STRBP: variants seen among roughly 807,000 people sequenced by gnomAD.
STRBP encodes the protein spermatid perinuclear RNA-binding protein.
STRBP carries 13 observed loss-of-function variants against 80.1 expected under a neutral mutation model. That is an observed-to-expected ratio of 0.16 (90% CI 0.11 to 0.26). The LOEUF is 0.26. Ranked by LOEUF, STRBP falls within the 10% of genes least tolerant of loss-of-function variation. STRBP has a pLI of 1.00. For synonymous variants in STRBP, 284 were observed against 291.2 expected, an observed-to-expected ratio of 0.98 and a Z score of 0.25; for missense variants, 485 against 815.2, an observed-to-expected ratio of 0.59 and a Z score of 4.93.
At chr9:123,140,888 C>T (rs2036565650) in intron 13 of STRBP, among the ~76,000 whole-genome samples, 2 of 152,210 alleles carry the variant, frequency 1.3e-5, no homozygotes, top group African/African-American at 4.8e-5. Context: ...TTAATACCTT[C>T]CTGATTATAC....
At chr9:123,203,017 C>G (rs1020587142) in intron 2 of STRBP, among the ~76,000 whole-genome samples, 1 of 152,124 alleles carries the variant, frequency 6.6e-6, no homozygotes, top group African/African-American at 2.4e-5. Context: ...AAACCCTTCC[C>G]CAGAGTTTAT....
chr9:123,201,446 T>C (rs1484360950), intron 2 of STRBP, among the ~76,000 whole-genome samples: 1 of 152,228 alleles, frequency 6.6e-6, no homozygotes, highest in African/African-American at 2.4e-5. Context: ...AAAATTTCCA[T>C]CTTGGTTTCA....
At chr9:123,229,466 T>C (rs139899327) in intron 2 of STRBP, among the ~76,000 whole-genome samples, 13 of 152,316 alleles carry the variant, frequency 8.5e-5, no homozygotes, top group East Asian at 1.9e-4. Context: ...TAGCTGGCAA[T>C]CAAAGTGGGA....
intron 2 of STRBP, among the ~76,000 whole-genome samples, chr9:123,192,489 C>T (rs1477474787): frequency 1.3e-5 from 2 of 152,042 alleles, no homozygotes; most frequent in Admixed American, 6.6e-5. Flanking sequence ...GCCTATAGTC[C>T]GTCGGGAGGC....
intron 2 of STRBP, among the ~76,000 whole-genome samples, chr9:123,191,431 AG>A (rs994720222): frequency 6.6e-6 from 1 of 151,906 alleles, no homozygotes; most frequent in African/African-American, 2.4e-5. Flanking sequence ...GAGGACAGAA[AG>A]GTGGGGGTGA....
chr9:123,123,868 A>G lies in STRBP; in HGVS notation c.*1729T>C. Reference sequence around the variant, plus strand: ...CTCTGTTTCATCCATAGGTCAGCAAAACGCATCAATGAAACATGAAAACTC... The same window carrying G: ...CTCTGTTTCATCCATAGGTCAGCAAGACGCATCAATGAAACATGAAAACTC... On this transcript the variant is annotated 3_prime_UTR_variant, in exon 19 of 19. Coordinates refer to ENST00000348403, the MANE Select transcript of STRBP (RefSeq NM_018387.5). 1 of 985,426 alleles carries G rather than the reference A, an allele frequency of 1.0e-6. No individual in the cohort carries two copies. 61.0% of individuals were successfully genotyped at this position (985,426 alleles called of 1,614,324 possible). A position where few individuals can be genotyped will look rare whatever the true frequency, so the allele number is the denominator to read the frequency against.
At chr9:123,244,846 C>T (rs2040767236) in intron 1 of STRBP, among the ~76,000 whole-genome samples, 1 of 152,182 alleles carries the variant, frequency 6.6e-6, no homozygotes, top group African/African-American at 2.4e-5. Context: ...TTCAAAAGCC[C>T]ATCCACAAAT....
At chr9:123,159,304 A>G in intron 8 of STRBP, 97 bp from the exon 9 acceptor site, 2 of 743,660 alleles carry the variant, frequency 2.7e-6, no homozygotes, top group Non-Finnish European at 4.2e-6. Flanking sequence ...GGGAGGCCAA[A>G]GAGTGAAATT....
intron 11 of STRBP, among the ~76,000 whole-genome samples, chr9:123,154,606 A>G (rs1327699881): frequency 1.3e-5 from 2 of 152,170 alleles, no homozygotes; most frequent in Non-Finnish European, 2.9e-5. Context: ...ACTTTTCTAT[A>G]TATGTGCTAT....
chr9:123,128,266 A>G lies in STRBP; in HGVS notation c.1898-8T>C, dbSNP rs774549939. 1.2e-6 allele frequency: 2 copies of G among 1,614,128 alleles called. No homozygotes were observed. The highest frequency in any genetic ancestry group is 4.5e-5 in the East Asian group (2 of 44,882). ...CATATGGTGTTCCATAGCCTAGTGC[A>G]AAGAAGAAGAAGGCAGATCAGTCCA... is the stretch of plus-strand genomic sequence containing the variant. On this transcript the variant is annotated splice_region_variant and splice_polypyrimidine_tract_variant and intron_variant, in intron 17 of 18. Transcript: ENST00000348403.
At position 123,160,571 on chromosome 9, in the gene STRBP, C is replaced by G. The variant is rs947290718; in HGVS notation, c.628-109G>C. ...AGCAAATTATTCATCAGTTATCAGG[C>G]AAACAAAAAAATCAATTAATCACAA... On this transcript the variant is annotated intron_variant, in intron 7 of 18. Transcript: ENST00000348403. The G allele has an allele frequency of 7.1e-6, 4 of 560,304 alleles. No homozygotes were observed. In the Admixed American group the frequency reaches 2.6e-4, roughly 36 times the overall value. The allele number at this position is 560,304 out of a possible 1,614,324, so 34.7% of individuals were successfully genotyped here. A position where few individuals can be genotyped will look rare whatever the true frequency, so the allele number is the denominator to read the frequency against.
chr9:123,266,750 T>C (rs2041274650), intron 1 of STRBP, among the ~76,000 whole-genome samples: 2 of 152,018 alleles, frequency 1.3e-5, no homozygotes, highest in African/African-American at 4.8e-5. Context: ...TATGCCTTTC[T>C]AGTTACAGAC....
chr9:123,119,758 G>GTAC (rs1016072057), downstream of STRBP, among the ~76,000 whole-genome samples: 96 of 152,202 alleles, frequency 6.3e-4, no homozygotes, highest in African/African-American at 2.3e-3. Context: ...TCTGCACCAG[G>GTAC]TACTGTTCAA....
intron 1 of STRBP, among the ~76,000 whole-genome samples, chr9:123,239,481 G>T (rs1166572041): frequency 6.6e-6 from 1 of 152,046 alleles, no homozygotes; most frequent in Admixed American, 6.6e-5. Context: ...ACAAAGGCCT[G>T]TCCCAATGAC....
intron 2 of STRBP, among the ~76,000 whole-genome samples, chr9:123,195,964 T>G (rs1329108261): frequency 6.6e-6 from 1 of 152,116 alleles, no homozygotes; most frequent in African/African-American, 2.4e-5. Context: ...GACAGAGCTG[T>G]TGTAACAAAA....
chr9:123,212,533 C>G (rs1315794592), intron 2 of STRBP: 1 of 152,204 alleles, frequency 6.6e-6, no homozygotes, highest in Non-Finnish European at 1.5e-5. Context: ...AAAGAACAAG[C>G]AACGCCAGCA....
At chr9:123,205,432 A>G (rs1301458225) in intron 2 of STRBP, among the ~76,000 whole-genome samples, 1 of 152,214 alleles carries the variant, frequency 6.6e-6, no homozygotes, top group African/African-American at 2.4e-5. Context: ...AAAACAAAAC[A>G]AAACCCATAT....
intron 1 of STRBP, among the ~76,000 whole-genome samples, chr9:123,263,460 G>C (rs1230367001): frequency 1.4e-5 from 2 of 148,044 alleles, no homozygotes; most frequent in African/African-American, 5.1e-5. Context: ...TGGAGTTCAA[G>C]GTTACAATGA....
intron 1 of STRBP, among the ~76,000 whole-genome samples, chr9:123,243,072 T>C (rs2040728104): frequency 6.6e-6 from 1 of 152,090 alleles, no homozygotes; most frequent in Non-Finnish European, 1.5e-5. Context: ...ACTTATTATA[T>C]AGCCACAGTA....
Sources: allele counts gnomAD v4.1 joint callset (sites outside exome capture counted in the v4.1 genomes callset), GRCh38; gene constraint gnomAD v4.1.1; transcripts MANE v1.5; gene names NCBI Gene and HGNC (gene_info 2026-07-23, HGNC 2026-07-21).